The following PRKAG3 variants were observed in gnomAD, a reference collection of about 807,000 sequenced individuals.
The protein encoded by PRKAG3 is 5'-AMP-activated protein kinase subunit gamma-3.
PRKAG3 carries 39 observed loss-of-function variants against 56.5 expected under a neutral mutation model. The ratio of observed to expected loss-of-function variants is 0.69; its 90% CI spans 0.53 to 0.90. The LOEUF is 0.90. Ranked by LOEUF, PRKAG3 falls within the 40% of genes least tolerant of loss-of-function variation. The pLI, the probability that PRKAG3 is intolerant of heterozygous loss-of-function variation, is 0.00. For synonymous variants in PRKAG3, 243 were observed against 250.1 expected (o/e 0.97, Z 0.27); for missense variants, 628 against 627.5 (o/e 1.00, Z -0.01).
At chr2:218,828,653 CCT>C in intron 4 of PRKAG3, 53 bp from the exon 5 acceptor site, 1 of 1,479,542 alleles carries the variant, frequency 6.8e-7, no homozygotes, top group South Asian at 1.2e-5. Context: ...CCCTCACCCC[CCT>C]CTCTGCCCCT....
At chr2:218,828,637 G>A (rs749313011) in intron 4 of PRKAG3, 37 bp from the exon 5 acceptor site, 4 of 1,567,580 alleles carry the variant, frequency 2.6e-6, no homozygotes, top group East Asian at 2.3e-5. Context: ...GGTGGGTCCC[G>A]AGAGACCCTC....
At chr2:218,824,150 G>C (rs1376859980) in intron 12 of PRKAG3, 72 bp downstream of exon 12, 4 of 1,610,250 alleles carry the variant, frequency 2.5e-6, no homozygotes. Context: ...CGATGTTCAG[G>C]GATGGCTGGA....
At chr2:218,826,339 A>G (rs1943932579) in intron 10 of PRKAG3, among the ~76,000 whole-genome samples, 1 of 152,254 alleles carries the variant, frequency 6.6e-6, no homozygotes. Flanking sequence ...TTTCATAGCC[A>G]TCATTCAACC....
downstream of PRKAG3, chr2:218,822,927 C>T: frequency 1.0e-6 from 1 of 985,672 alleles, no homozygotes; most frequent in Non-Finnish European, 1.2e-6. Flanking sequence ...ACAGATGGCC[C>T]TGGGGTAATC....
intron 4 of PRKAG3, among the ~76,000 whole-genome samples, chr2:218,829,521 T>C (rs1943986885): frequency 1.3e-5 from 2 of 151,630 alleles, no homozygotes; most frequent in African/African-American, 2.4e-5. Flanking sequence ...AGAGATGGGG[T>C]TTCACCATGT....
chr2:218,827,193 C>A lies in PRKAG3; in HGVS notation c.1002+54G>T. 1 of 1,613,706 alleles carries A rather than the reference C, an allele frequency of 6.2e-7. No homozygotes were observed. The highest frequency in any genetic ancestry group is 1.1e-5 in the South Asian group (1 of 91,028). Reference sequence around the variant, plus strand: ...TGCTAGGGCTGAAGACTCCTCAGGCCCTCTGATCACCTGCCCAGGTCTCCC... The same window carrying A: ...TGCTAGGGCTGAAGACTCCTCAGGCACTCTGATCACCTGCCCAGGTCTCCC... On this transcript the variant is annotated intron_variant, in intron 9 of 12. Transcript: ENST00000529249. This position sits in a 1 kb window ranked among gnomAD's most constrained non-coding sequence, Gnocchi z 5.3.
intron 3 of PRKAG3, 55 bp downstream of exon 3, chr2:218,830,691 C>A (rs1284039110): frequency 1.9e-6 from 3 of 1,586,808 alleles, no homozygotes; most frequent in Non-Finnish European, 2.6e-6. Context: ...CCAGGCTCCT[C>A]TGGGATTTCC....
rs765464278 is a variant in PRKAG3, at chr2:218,824,553, G to A, written c.1192C>T (p.Arg398Cys). 1.8e-5 allele frequency: 29 copies of A among 1,613,014 alleles called. No individual in the cohort carries two copies. Among genetic ancestry groups the A allele is most frequent in the South Asian group, 5.5e-5 (5 of 91,076 alleles). Residue 398 changes from arginine (R) to cysteine (C), a missense_variant, in exon 11 of 13, where the codon CGC becomes TGC. Transcript: ENST00000529249. ...GCGACACTTACAATCACATCAAAGC[G>A]GGAATAGAGGCCCACGACCTGACCT...
downstream of PRKAG3, chr2:218,823,255 C>G (rs543110527): frequency 8.7e-6 from 2 of 230,598 alleles, no homozygotes; most frequent in African/African-American, 2.3e-5. Context: ...GAGATGAGCA[C>G]GTAGGTAGAA....
chr2:218,830,601 C>A, intron 3 of PRKAG3, 145 bp downstream of exon 3: 1 of 1,183,414 alleles, frequency 8.5e-7, no homozygotes, highest in Non-Finnish European at 1.2e-6. Flanking sequence ...TTGTTCTCTA[C>A]TATGTAGGGA....
rs181214903 is a variant in PRKAG3, at chr2:218,826,855, C to T, written c.1168+73G>A. Reference sequence around the variant, plus strand: ...CAGGGATGGCATGAGAAACCCTGCCCTTCCCATATTCTCCCCACCAGGTTC... The same window carrying T: ...CAGGGATGGCATGAGAAACCCTGCCTTTCCCATATTCTCCCCACCAGGTTC... On this transcript the variant is annotated intron_variant, in intron 10 of 12. Transcript: ENST00000529249. 645 of 1,578,754 alleles carry T rather than the reference C, an allele frequency of 4.1e-4. 1 individual carries two copies. The African/African-American group carries it at 7.8e-3, about 19-fold the overall frequency.
rs764149997 is a variant in PRKAG3 at position 218,830,206 on chromosome 2, C to T, written c.405G>A (p.Leu135=). 2.5e-6 allele frequency: 4 copies of T among 1,614,098 alleles called. No homozygotes were observed. In the Admixed American group the frequency reaches 6.7e-5, roughly 27 times the overall value. The change falls in exon 4 of 13, where the codon CTG becomes CTA. Residue 135 remains leucine, a synonymous_variant. Coordinates refer to ENST00000529249, the Ensembl canonical transcript of PRKAG3. Reference sequence around the variant, plus strand: ...CCTCTGTGGCTGGGAACTCCGTGGCCAGCTCCACATCATCTGTGCTGGAGC... The same window carrying T: ...CCTCTGTGGCTGGGAACTCCGTGGCTAGCTCCACATCATCTGTGCTGGAGC...
exon 13 of PRKAG3, chr2:218,823,706 T>C: frequency 6.2e-7 from 1 of 1,611,548 alleles, no homozygotes; most frequent in Non-Finnish European, 8.5e-7. Context: ...GTTCTCCAGT[T>C]CCCTTCATTG....
rs763140279 is a variant in PRKAG3 at position 218,827,881 on chromosome 2, A to G, written c.775-3T>C. 1 of 1,614,052 alleles carries G rather than the reference A, an allele frequency of 6.2e-7. No individual in the cohort carries two copies. The highest frequency in any genetic ancestry group is 8.5e-7 in the Non-Finnish European group (1 of 1,179,930). On this transcript the variant is annotated splice_polypyrimidine_tract_variant and splice_region_variant and intron_variant, in intron 6 of 12. Coordinates refer to ENST00000529249, the Ensembl canonical transcript of PRKAG3. This position sits in a 1 kb window ranked among gnomAD's most constrained non-coding sequence, Gnocchi z 5.3. Reference sequence around the variant, plus strand: ...TGTTCAATCTCATAGATCTGGACCTAGAGACATCGACAGGACTCCAGAAGT... The same window carrying G: ...TGTTCAATCTCATAGATCTGGACCTGGAGACATCGACAGGACTCCAGAAGT...
chr2:218,827,323 G>A lies in PRKAG3; in HGVS notation c.926C>T (p.Pro309Leu), dbSNP rs1043584891. The change falls in exon 9 of 13, where the codon CCT (proline) becomes CTT (leucine). Residue 309 changes from proline (P) to leucine (L), a missense_variant. Transcript: ENST00000529249. The surrounding 1 kb of genome is among the most constrained non-coding windows in gnomAD (Gnocchi z 5.3). ...GTTGCCTGACACCGGGTCAAGAACAGGCAGGCGATGGATCCGGTTCTTGAT... is the reference window on the plus strand; with the variant it reads ...GTTGCCTGACACCGGGTCAAGAACAAGCAGGCGATGGATCCGGTTCTTGAT... 4 of 1,614,202 alleles carry A rather than the reference G, an allele frequency of 2.5e-6. No individual in the cohort carries two copies. The highest frequency in any genetic ancestry group is 3.4e-6 in the Non-Finnish European group (4 of 1,180,036).
rs1575212089 is a variant in PRKAG3, at chr2:218,827,954, T to G, written c.774+50A>C. Reference sequence around the variant, plus strand: ...GCACCAGGCTCCAGGAGGACTCCCCTCCGCCCCCGCCCCTCTGGGTGCCCA... The same window carrying G: ...GCACCAGGCTCCAGGAGGACTCCCCGCCGCCCCCGCCCCTCTGGGTGCCCA... On this transcript the variant is annotated intron_variant, in intron 6 of 12. Transcript: ENST00000529249. The surrounding 1 kb of genome is among the most constrained non-coding windows in gnomAD (Gnocchi z 5.3). 6.3e-7 allele frequency: 1 copy of G among 1,599,694 alleles called. No individual in the cohort carries two copies. Among genetic ancestry groups the G allele is most frequent in the Admixed American group, 1.7e-5 (1 of 57,600 alleles).
At chr2:218,823,730 C>A (rs1943886662) in exon 13 of PRKAG3, 1 of 1,613,204 alleles carries the variant, frequency 6.2e-7, no homozygotes, top group Admixed American at 1.7e-5. Context: ...TCCAGGTGTG[C>A]AGGTGGCTTG....
At chr2:218,830,802 A>G (rs1032715567) in exon 3 of PRKAG3, 4 of 1,612,926 alleles carry the variant, frequency 2.5e-6, no homozygotes, top group Non-Finnish European at 3.4e-6. Context: ...TGTCCATCTC[A>G]AGGCTTTGGC....
chr2:218,824,575 A>G (rs1440058614), exon 11 of PRKAG3: 1 of 1,611,374 alleles, frequency 6.2e-7, no homozygotes. Flanking sequence ...CCACGACCTG[A>G]CCTGCAGAGG....
Sources: gnomAD v4.1 joint callset for allele counts (sites outside exome capture counted in the v4.1 genomes callset) on GRCh38, gnomAD v4.1.1 for gene constraint, Gnocchi (gnomAD v3.1) non-coding constraint, MANE v1.5 for transcripts, NCBI Gene and HGNC (gene_info 2026-07-23, HGNC 2026-07-21) for gene names.